Variants in TMPRSS3 observed in about 807,000 individuals in gnomAD.
TMPRSS3 encodes transmembrane serine protease 3, also known as transmembrane protease serine 3.
Under a neutral mutation model 59.6 loss-of-function variants are expected in TMPRSS3, and 55 were observed. The observed-to-expected ratio is 0.92, with a 90% CI of 0.74 to 1.16. TMPRSS3 has a LOEUF of 1.16. TMPRSS3 is among the 50% of genes most tolerant of loss of function. The pLI is 0.00. For missense variants in TMPRSS3, 596 were observed against 579.4 expected (o/e 1.03, Z -0.29); for synonymous variants, 257 against 237.7 (o/e 1.08, Z -0.75).
At chr21:42,377,987 T>A (rs765968336) in intron 10 of TMPRSS3, among the ~76,000 whole-genome samples, 2 of 152,208 alleles carry the variant, frequency 1.3e-5, no homozygotes, top group African/African-American at 4.8e-5. Context: ...GAGCCCAGTG[T>A]CATCAGAATG....
In TMPRSS3 at chr21:42,387,775, C is replaced by T. The variant is rs193134658; in HGVS notation, c.446+628G>A. Among the ~76,000 whole-genome samples the T allele has an allele frequency of 8.9e-4, 135 of 152,132 alleles. No homozygotes were observed. The Middle Eastern group carries it at 0.014, about 15-fold the overall frequency. Reference sequence around the variant, plus strand: ...GGGGAACCCGTGGAAGTACAGCGGCCGCAGGAAGTCAGAAGGAAGGGGCCA... The same window carrying T: ...GGGGAACCCGTGGAAGTACAGCGGCTGCAGGAAGTCAGAAGGAAGGGGCCA... On this transcript the variant is annotated intron_variant, in intron 5 of 12. Transcript: ENST00000644384.
At chr21:42,375,500 C>T (rs1458324934) in intron 12 of TMPRSS3, among the ~76,000 whole-genome samples, 1 of 152,094 alleles carries the variant, frequency 6.6e-6, no homozygotes, top group Non-Finnish European at 1.5e-5. Flanking sequence ...AGCTCCTCTG[C>T]CTGCCAGGCT....
rs778373388 is a variant in TMPRSS3 at position 42,395,938 on chromosome 21, T to A, written c.-52+4A>T. The A allele has an allele frequency of 9.6e-6, 5 of 518,942 alleles. No homozygotes were observed. The highest frequency in any genetic ancestry group is 1.2e-5 in the Non-Finnish European group (3 of 259,842). The allele number at this position is 518,942 out of a possible 1,614,324, so 32.1% of individuals were successfully genotyped here. A position where few individuals can be genotyped will look rare whatever the true frequency, so the allele number is the denominator to read the frequency against. ...CCATAAGCATAAGTAGTTTCGGTACTCACATAATTCCCGAGTCCCAAAAAT... is the reference window on the plus strand; with the variant it reads ...CCATAAGCATAAGTAGTTTCGGTACACACATAATTCCCGAGTCCCAAAAAT... On this transcript the variant is annotated splice_donor_region_variant and intron_variant, in intron 1 of 12. Transcript: ENST00000644384.
rs1209308277 is a variant in TMPRSS3 at position 42,380,112 on chromosome 21, C to T, written c.1048+5G>A. On this transcript the variant is annotated splice_donor_5th_base_variant and intron_variant, in intron 10 of 12. Transcript: ENST00000644384. ...GACTCCGAATCTTGGCTTCAGCCCACTGACCTCCATCCTCTGTGGCCCCCC... is the reference window on the plus strand; with the variant it reads ...GACTCCGAATCTTGGCTTCAGCCCATTGACCTCCATCCTCTGTGGCCCCCC... The T allele has an allele frequency of 8.1e-6, 13 of 1,613,122 alleles. No homozygotes were observed. The highest frequency in any genetic ancestry group is 1.1e-5 in the Non-Finnish European group (13 of 1,179,196).
intron 6 of TMPRSS3, among the ~76,000 whole-genome samples, chr21:42,384,904 G>A (rs2052599231): frequency 6.6e-6 from 1 of 151,950 alleles, no homozygotes; most frequent in Non-Finnish European, 1.5e-5. Flanking sequence ...AAGAACACCT[G>A]GTTTTACCTT....
At chr21:42,394,982 C>G (rs957339041) in intron 2 of TMPRSS3, among the ~76,000 whole-genome samples, 1 of 152,154 alleles carries the variant, frequency 6.6e-6, no homozygotes, top group Non-Finnish European at 1.5e-5. Context: ...GACTGGTGGC[C>G]ACTGCTTCTC....
chr21:42,383,536 C>T, intron 7 of TMPRSS3: 2 of 516,456 alleles, frequency 3.9e-6, no homozygotes, highest in Non-Finnish European at 7.1e-6. Flanking sequence ...CCTTCTGCAG[C>T]CCCCTCCTCA....
Position 42,383,037 on chromosome 21 carries a change from A to G in TMPRSS3, c.778T>C (p.Tyr260His). The change falls in exon 8 of 13, where the codon TAT becomes CAT. Residue 260 changes from tyrosine to histidine, a missense_variant. Tyr to His is a moderately conservative substitution (Grantham distance 83). Coordinates refer to ENST00000644384, the MANE Select transcript of TMPRSS3 (RefSeq NM_001256317.3). ...AAGATGGTCAGCAGCACTCACTCAT[A>G]AACACAGTGTGCAGCAGTGATGATC... ...LWIITAAHCV[Y>H]DLYLPKSWTI... The G allele has an allele frequency of 6.2e-7, 1 of 1,614,110 alleles. No homozygotes were observed. Among genetic ancestry groups the G allele is most frequent in the Non-Finnish European group, 8.5e-7 (1 of 1,180,036 alleles).
intron 6 of TMPRSS3, among the ~76,000 whole-genome samples, chr21:42,384,758 T>G (rs1006596069): frequency 6.6e-6 from 1 of 152,124 alleles, no homozygotes; most frequent in African/African-American, 2.4e-5. Context: ...AAAATGCACA[T>G]CTTAGGGTTT....
At position 42,384,691 on chromosome 21, in the gene TMPRSS3, C is replaced by T. The variant is rs530459174; in HGVS notation, c.573-678G>A. Among the ~76,000 whole-genome samples the T allele has an allele frequency of 1.5e-3, 223 of 152,326 alleles. 1 individual carries two copies. The highest frequency in any genetic ancestry group is 3.4e-3 in the Middle Eastern group (1 of 294). On this transcript the variant is annotated intron_variant, in intron 6 of 12. Transcript: ENST00000644384. The stretch of plus-strand genomic sequence containing the variant: ...GTCCCTCCAGACTGCAGGTGGGTCC[C>T]GGGGTGCTTATTCATCCCCGACGGA...
At chr21:42,380,080 G>A (rs538484443) in intron 10 of TMPRSS3, 37 bp downstream of exon 10, 1 of 1,560,074 alleles carries the variant, frequency 6.4e-7, no homozygotes, top group South Asian at 1.1e-5. Flanking sequence ...TGGGTTCTGA[G>A]CCCCTGGACT....
chr21:42,382,964 C>A, intron 8 of TMPRSS3, 69 bp downstream of exon 8: 1 of 1,600,460 alleles, frequency 6.2e-7, no homozygotes, highest in Non-Finnish European at 8.5e-7. Context: ...TCTCACCACC[C>A]AAAGCAGCCC....
intron 2 of TMPRSS3, among the ~76,000 whole-genome samples, chr21:42,391,197 T>G (rs1338700395): frequency 6.6e-6 from 1 of 152,128 alleles, no homozygotes; most frequent in Non-Finnish European, 1.5e-5. Flanking sequence ...AAGATGTTGA[T>G]TTTTGTTTGT....
chr21:42,390,120 C>A, intron 2 of TMPRSS3, 83 bp from the exon 3 acceptor site: 1 of 1,048,602 alleles, frequency 9.5e-7, no homozygotes, highest in South Asian at 1.3e-5. Flanking sequence ...ACTATCCTTT[C>A]CCCCTCCCCT....
rs779595310 is a variant in TMPRSS3 at position 42,395,411 on chromosome 21, C to T, written c.7G>A (p.Glu3Lys). The T allele has an allele frequency of 6.2e-7, 1 of 1,614,066 alleles. No homozygotes were observed. Among genetic ancestry groups the T allele is most frequent in the Non-Finnish European group, 8.5e-7 (1 of 1,179,944 alleles). ...GCTTCAACAGCAGGCGGATCATTTT[C>T]CCCCATGGTGACTATTTCAGGACCT... MG[E>K]NDPPAVEAPF... The change falls in exon 2 of 13, where the codon GAA becomes AAA. Residue 3 changes from glutamate (E) to lysine (K), a missense_variant. Coordinates refer to ENST00000644384, the MANE Select transcript of TMPRSS3 (RefSeq NM_001256317.3).
chr21:42,381,924 A>G lies in TMPRSS3; in HGVS notation c.952+141T>C, dbSNP rs1007082817. 20 of 1,089,828 alleles carry G rather than the reference A, an allele frequency of 1.8e-5. No homozygotes were observed. The Admixed American group carries it at 3.8e-4, about 20-fold the overall frequency. The allele number at this position is 1,089,828 out of a possible 1,614,324, so 67.5% of individuals were successfully genotyped here. A position where few individuals can be genotyped will look rare whatever the true frequency, so the allele number is the denominator to read the frequency against. ...GAAAAGATAATCAACTGATGCCAAC[A>G]CCAACATGAATCAGGAGTTGGAATT... On this transcript the variant is annotated intron_variant, in intron 9 of 12. Coordinates refer to ENST00000644384, the MANE Select transcript of TMPRSS3 (RefSeq NM_001256317.3).
At position 42,375,981 on chromosome 21, in the gene TMPRSS3, C is replaced by T. The variant is rs1338584046; in HGVS notation, c.1192-113G>A. 3 of 1,366,074 alleles carry T rather than the reference C, an allele frequency of 2.2e-6. No individual in the cohort carries two copies. The African/African-American group carries it at 4.3e-5, about 19-fold the overall frequency. The allele number at this position is 1,366,074 out of a possible 1,614,324, so 84.6% of individuals were successfully genotyped here. ...TTGCTATGGAGTTGGGACCCCCCTT[C>T]ATGATGTCCCAATGGATGACCCAGG... is the stretch of plus-strand genomic sequence containing the variant. On this transcript the variant is annotated intron_variant, in intron 11 of 12. Coordinates refer to ENST00000644384, the MANE Select transcript of TMPRSS3 (RefSeq NM_001256317.3).
At chr21:42,374,827 T>A (rs563811589) in intron 12 of TMPRSS3, among the ~76,000 whole-genome samples, 1 of 150,256 alleles carries the variant, frequency 6.7e-6, no homozygotes, top group Non-Finnish European at 1.5e-5. Flanking sequence ...AAATGATATA[T>A]AATGAAACCA....
chr21:42,375,649 T>C (rs746352896), intron 12 of TMPRSS3, 67 bp downstream of exon 12: 43 of 1,602,812 alleles, frequency 2.7e-5, no homozygotes, highest in Non-Finnish European at 3.7e-5. Flanking sequence ...AAGACCAGGG[T>C]TGCATTTAAG....
Sources: gnomAD v4.1 joint callset for allele counts (sites outside exome capture counted in the v4.1 genomes callset) on GRCh38, gnomAD v4.1.1 for gene constraint, MANE v1.5 for transcripts, NCBI Gene and HGNC (gene_info 2026-07-23, HGNC 2026-07-21) for gene names.